Variants in GALNTL5 observed in about 807,000 individuals in gnomAD.
GALNTL5 encodes inactive polypeptide N-acetylgalactosaminyltransferase-like protein 5.
In GALNTL5, 44 loss-of-function variants were observed where a neutral mutation model predicts 51.0. That is an observed-to-expected ratio of 0.86 (90% CI 0.68 to 1.11). The LOEUF (loss-of-function observed/expected upper bound fraction) is 1.11. GALNTL5 is among the 50% of genes least tolerant of loss of function. The probability of loss-of-function intolerance (pLI) is 0.00; values close to 1 mark genes in which losing one functional copy is unlikely to be tolerated. For synonymous variants in GALNTL5, 192 were observed against 182.8 expected, an observed-to-expected ratio of 1.05 and a Z score of -0.41; for missense variants, 528 against 531.8, an observed-to-expected ratio of 0.99 and a Z score of 0.07.
intron 5 of GALNTL5, among the ~76,000 whole-genome samples, chr7:151,996,139 C>T (rs569835077): frequency 5.9e-5 from 9 of 152,176 alleles, no homozygotes; most frequent in African/African-American, 1.4e-4. Flanking sequence ...ACTGGTCATA[C>T]GCTTAAGCAC....
At chr7:152,009,126 A>C (rs1384713523) in intron 7 of GALNTL5, among the ~76,000 whole-genome samples, 1 of 152,206 alleles carries the variant, frequency 6.6e-6, no homozygotes, top group East Asian at 1.9e-4. Context: ...AGAAGTATGT[A>C]AATTAATAAG....
rs371662140 is a variant in GALNTL5, at chr7:151,971,059, G to C, written c.362G>C (p.Ser121Thr). ...GAAAGAGAAGTGCCAGATACCAGGAGTAAAATGTATGTTGTCTCTCTCTTT... is the reference window on the plus strand; with the variant it reads ...GAAAGAGAAGTGCCAGATACCAGGACTAAAATGTATGTTGTCTCTCTCTTT... Reference protein sequence around the residue: ...GIEREVPDTRSKMCLQKHYPA... With the variant: ...GIEREVPDTRTKMCLQKHYPA... Residue 121 changes from serine (S) to threonine (T), a missense_variant, in exon 3 of 9, where the codon AGT (serine) becomes ACT (threonine). Physicochemically the swap from Ser to Thr is moderately conservative, Grantham distance 58. Transcript: ENST00000392800. 2 of 1,608,070 alleles carry C rather than the reference G, an allele frequency of 1.2e-6. No individual in the cohort carries two copies. Among genetic ancestry groups the C allele is most frequent in the Admixed American group, 3.3e-5 (2 of 59,902 alleles).
At chr7:151,981,144 A>C (rs2081280052) in intron 3 of GALNTL5, among the ~76,000 whole-genome samples, 1 of 152,032 alleles carries the variant, frequency 6.6e-6, no homozygotes, top group Non-Finnish European at 1.5e-5. Context: ...TTTTCCAGTC[A>C]ATATTTGATC....
At chr7:151,957,535 C>G (rs557444228) in intron 1 of GALNTL5, among the ~76,000 whole-genome samples, 21 of 141,798 alleles carry the variant, frequency 1.5e-4, no homozygotes, top group Admixed American at 4.5e-4. Flanking sequence ...GGCAGCAGAG[C>G]GAGACCCTGT....
At chr7:151,959,861 T>G (rs918453340) in intron 1 of GALNTL5, among the ~76,000 whole-genome samples, 2 of 152,160 alleles carry the variant, frequency 1.3e-5, no homozygotes, top group Non-Finnish European at 2.9e-5. Context: ...TGGGGAGCAG[T>G]GGGCCATTTC....
At chr7:151,983,426 C>T (rs1191247980) in intron 4 of GALNTL5, among the ~76,000 whole-genome samples, 6 of 152,192 alleles carry the variant, frequency 3.9e-5, no homozygotes, top group Non-Finnish European at 8.8e-5. Context: ...GATCTGTCCG[C>T]CTCAGCCTCC....
intron 5 of GALNTL5, among the ~76,000 whole-genome samples, chr7:151,997,884 G>A (rs1290053048): frequency 6.6e-6 from 1 of 152,100 alleles, no homozygotes; most frequent in Non-Finnish European, 1.5e-5. Flanking sequence ...ATTATAACTG[G>A]ATTAATGTTA....
At chr7:151,959,835 G>A (rs2080970465) in intron 1 of GALNTL5, among the ~76,000 whole-genome samples, 1 of 152,208 alleles carries the variant, frequency 6.6e-6, no homozygotes, top group African/African-American at 2.4e-5. Flanking sequence ...AAGCAGAGGA[G>A]GAGAGCTAGC....
intron 1 of GALNTL5, among the ~76,000 whole-genome samples, chr7:151,963,531 G>A (rs2151937168): frequency 6.6e-6 from 1 of 152,302 alleles, no homozygotes; most frequent in East Asian, 1.9e-4. Context: ...CAGAGTAGCT[G>A]GGATTATAGA....
intron 3 of GALNTL5, among the ~76,000 whole-genome samples, chr7:151,974,118 CAGG>C (rs2081180623): frequency 3.0e-5 from 2 of 67,482 alleles, no homozygotes; most frequent in Non-Finnish European, 6.5e-5. Flanking sequence ...TACCCAGTCT[CAGG>C]TGGTATCCTT....
At chr7:151,957,534 G>T (rs2080940635) in intron 1 of GALNTL5, among the ~76,000 whole-genome samples, 1 of 148,210 alleles carries the variant, frequency 6.7e-6, no homozygotes, top group East Asian at 2.0e-4. Flanking sequence ...GGGCAGCAGA[G>T]CGAGACCCTG....
At chr7:151,989,053 C>T (rs1273718930) in intron 5 of GALNTL5, among the ~76,000 whole-genome samples, 2 of 152,046 alleles carry the variant, frequency 1.3e-5, no homozygotes, top group African/African-American at 2.4e-5. Context: ...GAGACTTACT[C>T]GTTTATTTTT....
chr7:151,998,303 A>G (rs893997064), intron 5 of GALNTL5, among the ~76,000 whole-genome samples: 10 of 150,952 alleles, frequency 6.6e-5, no homozygotes, highest in African/African-American at 2.2e-4. Context: ...AAGAAATTTC[A>G]AAGCTTAAAA....
intron 7 of GALNTL5, among the ~76,000 whole-genome samples, chr7:152,010,166 G>A (rs1206909359): frequency 6.6e-6 from 1 of 151,828 alleles, no homozygotes; most frequent in Non-Finnish European, 1.5e-5. Context: ...AGGCTGGAGT[G>A]CAGTGGCACG....
chr7:151,975,751 G>A (rs958607618), intron 3 of GALNTL5, among the ~76,000 whole-genome samples: 4 of 151,438 alleles, frequency 2.6e-5, no homozygotes, highest in East Asian at 1.9e-4. Context: ...ATATGTTTTG[G>A]TATTTTTTTT....
intron 7 of GALNTL5, among the ~76,000 whole-genome samples, chr7:152,011,638 C>T (rs893660245): frequency 2.0e-5 from 3 of 152,212 alleles, no homozygotes; most frequent in African/African-American, 4.8e-5. Flanking sequence ...GCTAAATCTC[C>T]TTGGATGCTC....
intron 3 of GALNTL5, among the ~76,000 whole-genome samples, chr7:151,982,526 T>C (rs2081306166): frequency 6.6e-6 from 1 of 152,060 alleles, no homozygotes; most frequent in African/African-American, 2.4e-5. Flanking sequence ...TCCACAAATA[T>C]AAGAATAAAG....
chr7:151,982,650 T>A (rs1271004133), intron 3 of GALNTL5, among the ~76,000 whole-genome samples: 2 of 151,570 alleles, frequency 1.3e-5, no homozygotes, highest in African/African-American at 4.8e-5. Context: ...AAAAAAAAGA[T>A]AAAACTAATT....
At chr7:152,012,395 C>CA (rs1563026582) in intron 7 of GALNTL5, among the ~76,000 whole-genome samples, 2 of 152,028 alleles carry the variant, frequency 1.3e-5, no homozygotes, top group East Asian at 1.9e-4. Flanking sequence ...AACAAACAAA[C>CA]AAAAAAACAA....
Sources: allele counts gnomAD v4.1 joint callset (sites outside exome capture counted in the v4.1 genomes callset), GRCh38; gene constraint gnomAD v4.1.1; transcripts MANE v1.5; gene names NCBI Gene and HGNC (gene_info 2026-07-23, HGNC 2026-07-21).